Variants in PSMF1 observed in about 807,000 individuals in gnomAD.
The protein encoded by PSMF1 is proteasome inhibitor PI31 subunit.
PSMF1 carries 30 observed loss-of-function variants against 29.3 expected under a neutral mutation model. The ratio of observed to expected loss-of-function variants is 1.02; its 90% CI spans 0.77 to 1.39. The LOEUF (loss-of-function observed/expected upper bound fraction) is 1.39. PSMF1 is among the 40% of genes most tolerant of loss of function. The pLI is 0.00. For missense variants in PSMF1, 344 were observed against 357.5 expected (o/e 0.96, Z 0.31); for synonymous variants, 134 against 139.7 (o/e 0.96, Z 0.29).
chr20:1,134,988 C>T (rs750661330), intron 3 of PSMF1, 133 bp from the exon 4 acceptor site: 1 of 869,778 alleles, frequency 1.1e-6, no homozygotes, highest in South Asian at 1.4e-5. Context: ...GCCTGTTCCC[C>T]CACTTATAAA....
rs2086701110 is a variant in PSMF1, at chr20:1,164,286, A to AG, written c.606-32_606-31insG. The AG allele has an allele frequency of 7.5e-6, 12 of 1,593,322 alleles. No homozygotes were observed. The highest frequency in any genetic ancestry group is 1.0e-5 in the Non-Finnish European group (12 of 1,161,172). On this transcript the variant is annotated intron_variant, in intron 5 of 6. Transcript: ENST00000335877. The surrounding 1 kb of genome is among the most constrained non-coding windows in gnomAD (Gnocchi z 4.1). ...TTTCTCCAAGGGCAGTCCTTGCCAC[A>AG]CCTGCTTACCTAACTTTTCTTCTTG...
At chr20:1,151,738 A>G (rs2086533348) in intron 4 of PSMF1, among the ~76,000 whole-genome samples, 1 of 152,246 alleles carries the variant, frequency 6.6e-6, no homozygotes, top group Non-Finnish European at 1.5e-5. Context: ...GAAGCACATT[A>G]AAGAGTGATT....
At chr20:1,125,672 G>A (rs754885269) in intron 2 of PSMF1, 22 bp downstream of exon 2, 1 of 1,601,028 alleles carries the variant, frequency 6.2e-7, no homozygotes, top group South Asian at 1.1e-5. Flanking sequence ...GGACACGTGA[G>A]TCTGCTGATG....
At chr20:1,157,263 C>T (rs2086605586) in intron 4 of PSMF1, among the ~76,000 whole-genome samples, 1 of 152,212 alleles carries the variant, frequency 6.6e-6, no homozygotes, top group Non-Finnish European at 1.5e-5. Flanking sequence ...TGGCAACACC[C>T]TCACAGACAC....
rs565161434 is a variant in PSMF1 at position 1,164,857 on chromosome 20, G to A, written c.765-172G>A. 3.3e-5 allele frequency among the ~76,000 whole-genome samples: 5 copies of A among 152,206 alleles called. No homozygotes were observed. The highest frequency in any genetic ancestry group is 2.1e-4 in the South Asian group (1 of 4,816). On this transcript the variant is annotated intron_variant, in intron 6 of 6. Transcript: ENST00000335877. This position sits in a 1 kb window ranked among gnomAD's most constrained non-coding sequence, Gnocchi z 4.1. ...AAAGATTAGGTAACTTATACCAAGC[G>A]GGGGAGTCAGGATTCAAACCCCGGT...
At chr20:1,149,175 A>G (rs898450507) in intron 4 of PSMF1, among the ~76,000 whole-genome samples, 3 of 152,250 alleles carry the variant, frequency 2.0e-5, no homozygotes, top group Non-Finnish European at 4.4e-5. Flanking sequence ...GTTGTTGGAA[A>G]AAAAGAGGAC....
chr20:1,134,248 C>A (rs1041110348), intron 3 of PSMF1, among the ~76,000 whole-genome samples: 2 of 152,024 alleles, frequency 1.3e-5, no homozygotes, highest in African/African-American at 4.8e-5. Context: ...TCTCAGCAAT[C>A]CTTTAGTTAT....
chr20:1,136,536 A>G (rs1030650569), intron 4 of PSMF1, among the ~76,000 whole-genome samples: 4 of 152,252 alleles, frequency 2.6e-5, no homozygotes, highest in Admixed American at 2.0e-4. Context: ...AATGGAATTC[A>G]TAGGTATTCT....
rs2086743822 is a variant in PSMF1, at chr20:1,167,376, T to G, written c.*2296T>G. 1 of 152,126 alleles carries G rather than the reference T, an allele frequency of 6.6e-6. No individual in the cohort carries two copies. Among genetic ancestry groups the G allele is most frequent in the Admixed American group, 6.5e-5 (1 of 15,282 alleles). The allele number at this position is 152,126 out of a possible 1,614,324, so 9.4% of individuals were successfully genotyped here. On this transcript the variant is annotated 3_prime_UTR_variant, in exon 7 of 7. Transcript: ENST00000335877. ...TATTGAGATATAATTTACATACCCA[T>G]AATTTACATACCTGTTTAAAGTATA...
chr20:1,122,268 GTTTTC>G (rs1456541264), intron 1 of PSMF1, among the ~76,000 whole-genome samples: 2 of 148,452 alleles, frequency 1.3e-5, no homozygotes, highest in Admixed American at 6.8e-5. Flanking sequence ...AGGCCTTAGA[GTTTTC>G]TTTTCTTTTT....
intron 4 of PSMF1, among the ~76,000 whole-genome samples, chr20:1,151,359 A>G (rs1453386054): frequency 6.6e-6 from 1 of 152,248 alleles, no homozygotes; most frequent in East Asian, 1.9e-4. Context: ...TTGTGTTATA[A>G]TAGTAAATTA....
chr20:1,155,130 C>T (rs1307920275), intron 4 of PSMF1, among the ~76,000 whole-genome samples: 1 of 152,200 alleles, frequency 6.6e-6, no homozygotes. Flanking sequence ...CGTTGTTCCC[C>T]TCTGATATCC....
chr20:1,132,206 C>T (rs1027900083), intron 3 of PSMF1, among the ~76,000 whole-genome samples: 8 of 151,790 alleles, frequency 5.3e-5, no homozygotes, highest in Admixed American at 1.3e-4. Context: ...ACTTTTTCTT[C>T]GTCAAGGTAG....
At chr20:1,124,823 A>G (rs1468769959) in intron 1 of PSMF1, among the ~76,000 whole-genome samples, 3 of 152,248 alleles carry the variant, frequency 2.0e-5, no homozygotes, top group Non-Finnish European at 2.9e-5. Flanking sequence ...ATTTGAAGCT[A>G]TATTTTTATG....
intron 4 of PSMF1, among the ~76,000 whole-genome samples, chr20:1,139,631 G>A (rs1453269511): frequency 2.6e-5 from 4 of 151,872 alleles, no homozygotes; most frequent in South Asian, 2.1e-4. Context: ...TGTAGTCCCA[G>A]CTACTCAGGA....
At chr20:1,144,786 G>A (rs1241798086) in intron 4 of PSMF1, among the ~76,000 whole-genome samples, 1 of 152,220 alleles carries the variant, frequency 6.6e-6, no homozygotes, top group Non-Finnish European at 1.5e-5. Context: ...GGCTGTAGGT[G>A]TGGTTATTAA....
chr20:1,166,030 T>C lies in PSMF1; in HGVS notation c.*950T>C, dbSNP rs1013706751. ...AAACTGGGGCAGAGGAAAAGAATGA[T>C]GGTTCAAGGCCATACTTCCCTTGAA... On this transcript the variant is annotated 3_prime_UTR_variant, in exon 7 of 7. Transcript: ENST00000335877. 1.2e-5 allele frequency: 18 copies of C among 1,440,654 alleles called. No homozygotes were observed. The highest frequency in any genetic ancestry group is 1.6e-5 in the Non-Finnish European group (18 of 1,096,144). 89.2% of individuals were successfully genotyped at this position (1,440,654 alleles called of 1,614,324 possible). A position where few individuals can be genotyped will look rare whatever the true frequency, so the allele number is the denominator to read the frequency against.
At chr20:1,145,569 G>C (rs985369396) in intron 4 of PSMF1, among the ~76,000 whole-genome samples, 9 of 152,220 alleles carry the variant, frequency 5.9e-5, no homozygotes, top group Admixed American at 1.3e-4. Flanking sequence ...AGTGGAGCTA[G>C]AGCCAGGCAG....
chr20:1,117,827 A>C (rs986156460), upstream of PSMF1: 2 of 152,214 alleles, frequency 1.3e-5, no homozygotes, highest in East Asian at 3.8e-4. Flanking sequence ...AAAAACAATA[A>C]GTGGATTTCA....
Sources: gnomAD v4.1 joint callset for allele counts (sites outside exome capture counted in the v4.1 genomes callset) on GRCh38, gnomAD v4.1.1 for gene constraint, Gnocchi (gnomAD v3.1) non-coding constraint, MANE v1.5 for transcripts, NCBI Gene and HGNC (gene_info 2026-07-23, HGNC 2026-07-21) for gene names.